GLI2: variants seen among roughly 807,000 people sequenced by gnomAD.
GLI2 encodes the protein GLI family zinc finger 2, also known as transcription activator GLI2.
GLI2 carries 22 observed loss-of-function variants against 78.9 expected under a neutral mutation model. The ratio of observed to expected loss-of-function variants is 0.28; its 90% CI spans 0.20 to 0.40. The LOEUF is 0.40. Among genes scored for constraint, GLI2 ranks in the 10% least tolerant of loss-of-function variants. GLI2 has a pLI of 1.00. For synonymous variants in GLI2, 974 were observed against 963.7 expected, an observed-to-expected ratio of 1.01 and a Z score of -0.20; for missense variants, 2,097 against 2,213.2, an observed-to-expected ratio of 0.95 and a Z score of 1.05.
At chr2:120,960,825 G>A (rs564908203) in intron 5 of GLI2, among the ~76,000 whole-genome samples, 9 of 152,222 alleles carry the variant, frequency 5.9e-5, no homozygotes, top group Non-Finnish European at 1.2e-4. Context: ...GGATTTCCCA[G>A]GCTCTGATGA....
At chr2:120,878,608 G>GA (rs1482194772) in intron 2 of GLI2, among the ~76,000 whole-genome samples, 2 of 152,062 alleles carry the variant, frequency 1.3e-5, no homozygotes, top group African/African-American at 4.8e-5. Flanking sequence ...GTCACAAAAA[G>GA]AAAAAACACA....
At chr2:120,937,576 G>A (rs4848132) in intron 3 of GLI2, among the ~76,000 whole-genome samples, 3,819 of 152,228 alleles carry the variant, frequency 0.025, 73 homozygotes, top group Non-Finnish European at 0.036. Context: ...CTCCCCCCAC[G>A]TCCCAGCCTT....
chr2:120,886,029 C>T (rs112600392), intron 2 of GLI2, among the ~76,000 whole-genome samples: 1 of 152,168 alleles, frequency 6.6e-6, no homozygotes, highest in African/African-American at 2.4e-5. Context: ...CTCATGCTGG[C>T]CTCAGGAGGT....
intron 3 of GLI2, among the ~76,000 whole-genome samples, chr2:120,942,459 G>C (rs1680493892): frequency 6.6e-6 from 1 of 152,174 alleles, no homozygotes; most frequent in Admixed American, 6.5e-5. Flanking sequence ...TTACTCTGCT[G>C]TCTAAAGACC....
chr2:120,922,035 C>T (rs1679402476), intron 2 of GLI2, among the ~76,000 whole-genome samples: 1 of 152,186 alleles, frequency 6.6e-6, no homozygotes, highest in Non-Finnish European at 1.5e-5. Flanking sequence ...TAGCTTCATC[C>T]CCCTCTGACA....
At chr2:120,960,020 C>G (rs1400063905) in intron 5 of GLI2, among the ~76,000 whole-genome samples, 1 of 152,216 alleles carries the variant, frequency 6.6e-6, no homozygotes, top group Non-Finnish European at 1.5e-5. Flanking sequence ...CCAAGGAGAA[C>G]AGGCCTTCTC....
intron 1 of GLI2, among the ~76,000 whole-genome samples, chr2:120,761,044 G>A (rs1683197866): frequency 6.6e-6 from 1 of 152,182 alleles, no homozygotes; most frequent in Non-Finnish European, 1.5e-5. Flanking sequence ...TGCAGTGAAC[G>A]CTGTGGCCAG....
chr2:120,970,817 C>T (rs1280531106), intron 7 of GLI2, among the ~76,000 whole-genome samples: 3 of 152,232 alleles, frequency 2.0e-5, no homozygotes, highest in Admixed American at 6.5e-5. Flanking sequence ...CTGCCGTCTC[C>T]TGTCCAAGAA....
intron 3 of GLI2, among the ~76,000 whole-genome samples, chr2:120,938,184 C>T (rs568742403): frequency 2.9e-4 from 44 of 152,274 alleles, no homozygotes; most frequent in South Asian, 1.0e-3. Flanking sequence ...CCCAGGGCCT[C>T]CTCCCCGGAC....
At chr2:120,792,073 AGATT>A (rs1684176241) in intron 1 of GLI2, among the ~76,000 whole-genome samples, 1 of 152,238 alleles carries the variant, frequency 6.6e-6, no homozygotes, top group African/African-American at 2.4e-5. Flanking sequence ...TCTCTCCTGG[AGATT>A]GATTTTGCCT....
chr2:120,910,779 C>A (rs1249820488), intron 2 of GLI2, among the ~76,000 whole-genome samples: 2 of 152,256 alleles, frequency 1.3e-5, no homozygotes, highest in African/African-American at 4.8e-5. Context: ...ACTCCCCTCC[C>A]CTGGGTCCCT....
intron 2 of GLI2, among the ~76,000 whole-genome samples, chr2:120,880,013 G>T (rs926279635): frequency 1.3e-5 from 2 of 152,184 alleles, no homozygotes; most frequent in African/African-American, 4.8e-5. Flanking sequence ...ACGAGGGTAG[G>T]AATAAATCGG....
intron 11 of GLI2, among the ~76,000 whole-genome samples, chr2:120,983,946 GGTGTGTGTGTGT>G (rs5833859): frequency 7.0e-6 from 1 of 143,124 alleles, no homozygotes; most frequent in Non-Finnish European, 1.5e-5. Context: ...TGGTGTGTGG[GGTGTGTGTGTGT>G]GTGTGTGTGT....
At chr2:120,744,842 G>A (rs1204133633) in intron 1 of GLI2, among the ~76,000 whole-genome samples, 1 of 152,168 alleles carries the variant, frequency 6.6e-6, no homozygotes, top group Non-Finnish European at 1.5e-5. Context: ...GTTCCCCAGG[G>A]AGAACCCATT....
intron 2 of GLI2, among the ~76,000 whole-genome samples, chr2:120,854,157 G>C (rs1428319966): frequency 6.6e-6 from 1 of 152,164 alleles, no homozygotes; most frequent in Non-Finnish European, 1.5e-5. Flanking sequence ...GAGCACAAAA[G>C]GGCAGCCCAA....
At chr2:120,776,143 T>C (rs1019151697) in intron 1 of GLI2, among the ~76,000 whole-genome samples, 7 of 152,214 alleles carry the variant, frequency 4.6e-5, no homozygotes, top group Admixed American at 4.6e-4. Flanking sequence ...AGGGATGAGA[T>C]GGCAGGAGGC....
chr2:120,775,676 C>T (rs1422255661), intron 1 of GLI2, among the ~76,000 whole-genome samples: 1 of 152,204 alleles, frequency 6.6e-6, no homozygotes, highest in Non-Finnish European at 1.5e-5. Flanking sequence ...ACCTGATCCT[C>T]CAAGGCAGGG....
chr2:120,808,678 C>T (rs1685077265), intron 2 of GLI2, among the ~76,000 whole-genome samples: 1 of 152,192 alleles, frequency 6.6e-6, no homozygotes, highest in African/African-American at 2.4e-5. Context: ...GGCACCTTCA[C>T]TTAGAGGACA....
intron 2 of GLI2, among the ~76,000 whole-genome samples, chr2:120,802,104 G>T (rs1451518714): frequency 6.6e-6 from 1 of 152,148 alleles, no homozygotes; most frequent in Non-Finnish European, 1.5e-5. Flanking sequence ...GTTATTTGAG[G>T]TCTGGGGCCG....
Sources: gnomAD v4.1 joint callset for allele counts (sites outside exome capture counted in the v4.1 genomes callset) on GRCh38, gnomAD v4.1.1 for gene constraint, MANE v1.5 for transcripts, NCBI Gene and HGNC (gene_info 2026-07-23, HGNC 2026-07-21) for gene names.